KMT2C: variants seen among roughly 807,000 people sequenced by gnomAD.
KMT2C encodes lysine methyltransferase 2C, also known as histone-lysine N-methyltransferase 2C.
In KMT2C, 88 loss-of-function variants were observed where a neutral mutation model predicts 507.9. The observed-to-expected ratio is 0.17, with a 90% CI of 0.15 to 0.21. KMT2C has a LOEUF of 0.21. KMT2C is among the 10% of genes least tolerant of loss of function. The probability of loss-of-function intolerance (pLI) is 1.00; values close to 1 mark genes in which losing one functional copy is unlikely to be tolerated. For synonymous variants in KMT2C, 2,049 were observed against 2,080.8 expected (o/e 0.98, Z 0.42); for missense variants, 4,954 against 5,957.8 (o/e 0.83, Z 5.55).
At chr7:152,227,408 T>C (rs2360926) in intron 18 of KMT2C, among the ~76,000 whole-genome samples, 1 of 152,224 alleles carries the variant, frequency 6.6e-6, no homozygotes, top group Non-Finnish European at 1.5e-5. Context: ...ACGCTTCAAC[T>C]ATAATGGAGT....
At position 152,162,426 on chromosome 7, in the gene KMT2C, C is replaced by G; in HGVS notation, c.11151G>C (p.Glu3717Asp). ...LSMETPAKTE[E>D]IKLEKAETES... is the part of the protein sequence containing the mutation. ...CTGTCTCAGCCTTTTCCAGTTTTAT[C>G]TCTTCTGTTTTGGCAGGGGTTTCCA... The change falls in exon 43 of 59, where the codon GAG becomes GAC. Residue 3717 changes from glutamate to aspartate, a missense_variant. Physicochemically the swap from Glu to Asp is conservative, Grantham distance 45. Around this residue, in one of 29 missense-constraint regions of KMT2C, gnomAD observed 801 missense variants for 751.2 expected, o/e 1.07. Transcript: ENST00000262189. 6.2e-7 allele frequency: 1 copy of G among 1,614,242 alleles called. No homozygotes were observed. Among genetic ancestry groups the G allele is most frequent in the Non-Finnish European group, 8.5e-7 (1 of 1,180,044 alleles).
At chr7:152,281,880 C>T (rs114671265) in intron 6 of KMT2C, among the ~76,000 whole-genome samples, 4,487 of 152,088 alleles carry the variant, frequency 0.03, 221 homozygotes, top group African/African-American at 0.1. Context: ...ATGAAAGGAA[C>T]TGAACTCAAG....
chr7:152,340,604 T>A (rs1427732001), intron 2 of KMT2C, among the ~76,000 whole-genome samples: 1 of 152,164 alleles, frequency 6.6e-6, no homozygotes, highest in South Asian at 2.1e-4. Context: ...TTGACACTGA[T>A]TAATAATATG....
At chr7:152,191,767 C>T (rs746642643) in intron 31 of KMT2C, among the ~76,000 whole-genome samples, 48 of 152,204 alleles carry the variant, frequency 3.2e-4, no homozygotes, top group Non-Finnish European at 5.4e-4. Flanking sequence ...ATGCCCACTC[C>T]CTTTGCTCTG....
At chr7:152,392,864 T>C (rs755949387) in intron 1 of KMT2C, among the ~76,000 whole-genome samples, 20 of 152,180 alleles carry the variant, frequency 1.3e-4, no homozygotes, top group Non-Finnish European at 2.8e-4. Context: ...TTCCTTGTTA[T>C]ATAATAAGCC....
At chr7:152,282,519 G>A (rs1249171551) in intron 6 of KMT2C, among the ~76,000 whole-genome samples, 2 of 152,174 alleles carry the variant, frequency 1.3e-5, no homozygotes, top group Non-Finnish European at 2.9e-5. Flanking sequence ...ATAAACGACT[G>A]GAAGGAACAA....
Position 152,182,104 on chromosome 7 carries a change from G to T in KMT2C, c.5756C>A (p.Ser1919Tyr). The change falls in exon 36 of 59, where the codon TCT (serine) becomes TAT (tyrosine). Residue 1919 changes from serine to tyrosine, a missense_variant. Ser to Tyr is a moderately radical substitution (Grantham distance 144). Transcript: ENST00000262189. ...PVGHSFSRRN[S>Y]AAPVENCTPL... Reference sequence around the variant, plus strand: ...TGTACAGTTTTCCACTGGTGCAGCAGAATTTCTTCTGGAAAAACTATGGCC... The same window carrying T: ...TGTACAGTTTTCCACTGGTGCAGCATAATTTCTTCTGGAAAAACTATGGCC... The T allele has an allele frequency of 6.2e-7, 1 of 1,614,234 alleles. No individual in the cohort carries two copies. The highest frequency in any genetic ancestry group is 8.5e-7 in the Non-Finnish European group (1 of 1,180,038).
At chr7:152,364,468 G>A (rs914572758) in intron 1 of KMT2C, among the ~76,000 whole-genome samples, 5 of 151,894 alleles carry the variant, frequency 3.3e-5, no homozygotes, top group African/African-American at 7.3e-5. Context: ...TTAGCCGGGC[G>A]CGTGGTGGCA....
At chr7:152,334,861 A>T (rs1488376675) in intron 2 of KMT2C, among the ~76,000 whole-genome samples, 1 of 152,192 alleles carries the variant, frequency 6.6e-6, no homozygotes, top group East Asian at 1.9e-4. Context: ...TACATGAGAG[A>T]AGATCAATTT....
intron 1 of KMT2C, among the ~76,000 whole-genome samples, chr7:152,374,463 TG>T (rs2129243414): frequency 6.6e-6 from 1 of 152,266 alleles, no homozygotes; most frequent in South Asian, 2.1e-4. Flanking sequence ...TGAAAGTCTC[TG>T]AACACATGAG....
chr7:152,426,548 C>G (rs930363708), intron 1 of KMT2C, among the ~76,000 whole-genome samples: 1 of 151,948 alleles, frequency 6.6e-6, no homozygotes, highest in Non-Finnish European at 1.5e-5. Context: ...TATATCATGG[C>G]ATTTTTGGAG....
chr7:152,235,971 A>G, intron 15 of KMT2C, 38 bp from the exon 16 acceptor site: 4 of 1,261,592 alleles, frequency 3.2e-6, no homozygotes, highest in Non-Finnish European at 3.4e-6. Context: ...ATTCTGTGAC[A>G]GACCAAAATA....
chr7:152,323,779 GGGGAGGGGAAGGGAAGGGAGGCA>G (rs1403668882), intron 3 of KMT2C, among the ~76,000 whole-genome samples: 1 of 144,994 alleles, frequency 6.9e-6, no homozygotes, highest in Non-Finnish European at 1.5e-5. Flanking sequence ...AGAAAAAGAG[GGGGAGGGGAAGGGAAGGGAGGCA>G]GGGAGGGGAG....
chr7:152,262,550 C>T (rs1240944367), intron 9 of KMT2C, among the ~76,000 whole-genome samples: 1 of 152,114 alleles, frequency 6.6e-6, no homozygotes, highest in Admixed American at 6.5e-5. Flanking sequence ...TTTGAAGGAC[C>T]CAAATGTTCA....
At chr7:152,306,802 C>T (rs569991409) in intron 6 of KMT2C, among the ~76,000 whole-genome samples, 7 of 152,318 alleles carry the variant, frequency 4.6e-5, no homozygotes, top group South Asian at 4.1e-4. Context: ...TGAGACAAGT[C>T]TTCCTTTCTT....
intron 23 of KMT2C, chr7:152,220,083 T>C (rs1207121704): frequency 6.2e-6 from 1 of 162,004 alleles, no homozygotes; most frequent in Non-Finnish European, 1.3e-5. Context: ...AAACCAATAC[T>C]TTATGATGCA....
intron 28 of KMT2C, 104 bp from the exon 29 acceptor site, chr7:152,194,672 T>G (rs1161016348): frequency 1.3e-6 from 1 of 788,084 alleles, no homozygotes; most frequent in South Asian, 2.3e-5. Flanking sequence ...ATGATTAAAA[T>G]AGAGAAATAA....
intron 6 of KMT2C, among the ~76,000 whole-genome samples, chr7:152,289,859 C>T (rs2096378370): frequency 6.6e-6 from 1 of 151,994 alleles, no homozygotes; most frequent in African/African-American, 2.4e-5. Context: ...CCAGCCTAGC[C>T]AACATAGTGA....
chr7:152,225,827 G>A (rs900086401), intron 18 of KMT2C, among the ~76,000 whole-genome samples: 1 of 152,164 alleles, frequency 6.6e-6, no homozygotes, highest in Non-Finnish European at 1.5e-5. Context: ...TTATATGATA[G>A]TTCTAGAGTA....
Sources: gnomAD v4.1 joint callset for allele counts (sites outside exome capture counted in the v4.1 genomes callset) on GRCh38, gnomAD v4.1.1 for gene constraint, gnomAD v4.1.1 regional missense constraint, MANE v1.5 for transcripts, NCBI Gene and HGNC (gene_info 2026-07-23, HGNC 2026-07-21) for gene names.